GAS2: variants seen among roughly 807,000 people sequenced by gnomAD.
GAS2 encodes growth arrest specific 2.
In GAS2, 20 loss-of-function variants were observed where a neutral mutation model predicts 37.5. The observed-to-expected ratio is 0.53, with a 90% confidence interval of 0.37 to 0.77. The LOEUF is 0.77. GAS2 is among the 30% of genes least tolerant of loss of function. The probability of loss-of-function intolerance (pLI) is 0.00; values close to 1 mark genes in which losing one functional copy is unlikely to be tolerated. For missense variants in GAS2, 336 were observed against 373.4 expected (o/e 0.90, Z 0.82); for synonymous variants, 144 against 132.2 (o/e 1.09, Z -0.61).
chr11:22,654,751 A>T (rs528033212), intron 1 of GAS2, among the ~76,000 whole-genome samples: 1 of 152,194 alleles, frequency 6.6e-6, no homozygotes, highest in Non-Finnish European at 1.5e-5. Flanking sequence ...AATGACAATG[A>T]ATAATGAATA....
intron 6 of GAS2, 76 bp from the exon 7 acceptor site, chr11:22,755,770 C>T (rs1299477125): frequency 1.0e-5 from 10 of 966,936 alleles, no homozygotes; most frequent in African/African-American, 4.8e-5. Flanking sequence ...GTTCAGGGGC[C>T]GTGGAGTCCT....
chr11:22,767,321 A>C (rs990094906), intron 7 of GAS2, among the ~76,000 whole-genome samples: 3 of 152,224 alleles, frequency 2.0e-5, no homozygotes, highest in Admixed American at 6.5e-5. Flanking sequence ...ATATGATTTA[A>C]ACTTCACACA....
chr11:22,746,766 G>T (rs1450759928), intron 5 of GAS2, among the ~76,000 whole-genome samples: 1 of 152,104 alleles, frequency 6.6e-6, no homozygotes, highest in Admixed American at 6.5e-5. Context: ...CACTACCTGG[G>T]TAATGGGATC....
At chr11:22,758,270 T>A (rs1049458942) in intron 7 of GAS2, among the ~76,000 whole-genome samples, 6 of 152,226 alleles carry the variant, frequency 3.9e-5, no homozygotes, top group Admixed American at 3.3e-4. Context: ...AACTGCCTCA[T>A]AGTGTCTTCA....
Position 22,646,976 on chromosome 11 carries a change from G to T in GAS2, c.-21+21163G>T, listed in dbSNP as rs548722200. On this transcript the variant is annotated intron_variant, in intron 1 of 5. Coordinates refer to the GAS2 transcript ENST00000528582. ...TAGGGTACATGTGCACAATGTGCAG[G>T]TTAGTTACATATGTATACATGTGCC... 4.5e-3 allele frequency among the ~76,000 whole-genome samples: 684 copies of T among 150,482 alleles called. 11 individuals are homozygous for T. Among genetic ancestry groups the T allele is most frequent in the South Asian group, 0.023 (107 of 4,740 alleles).
chr11:22,652,951 C>G (rs1196686657), intron 1 of GAS2, among the ~76,000 whole-genome samples: 1 of 116,714 alleles, frequency 8.6e-6, no homozygotes, highest in African/African-American at 3.1e-5. Context: ...CCTCCACAAC[C>G]TCTTTCTTTC....
chr11:22,641,585 G>A (rs1848630269), intron 1 of GAS2, among the ~76,000 whole-genome samples: 1 of 151,418 alleles, frequency 6.6e-6, no homozygotes, highest in African/African-American at 2.4e-5. Flanking sequence ...AACTGTAGGG[G>A]CCTCCTGATG....
chr11:22,676,683 T>C (rs111560546), intron 2 of GAS2, among the ~76,000 whole-genome samples: 3 of 152,336 alleles, frequency 2.0e-5, no homozygotes, highest in African/African-American at 7.2e-5. Flanking sequence ...ATTCTACTTA[T>C]ATAGTTCAGT....
intron 7 of GAS2, among the ~76,000 whole-genome samples, chr11:22,802,595 C>A (rs559457113): frequency 6.6e-5 from 10 of 151,986 alleles, no homozygotes; most frequent in African/African-American, 2.4e-4. Context: ...AGGAATGAAG[C>A]CAATTGTTAA....
At chr11:22,746,587 A>G (rs1313094828) in intron 5 of GAS2, among the ~76,000 whole-genome samples, 1 of 152,184 alleles carries the variant, frequency 6.6e-6, no homozygotes, top group African/African-American at 2.4e-5. Context: ...ATCTTAAGCA[A>G]ATTAACACAG....
chr11:22,640,710 A>T (rs936259911), intron 1 of GAS2, among the ~76,000 whole-genome samples: 1 of 152,168 alleles, frequency 6.6e-6, no homozygotes, highest in Non-Finnish European at 1.5e-5. Flanking sequence ...TGAATGTTTA[A>T]TCACCTGTAT....
At chr11:22,656,749 A>G (rs1848860134) in intron 1 of GAS2, among the ~76,000 whole-genome samples, 1 of 152,184 alleles carries the variant, frequency 6.6e-6, no homozygotes. Flanking sequence ...ACACAGAGAT[A>G]TTGCTTATTA....
chr11:22,766,052 G>A (rs1171189948), intron 7 of GAS2, among the ~76,000 whole-genome samples: 1 of 152,180 alleles, frequency 6.6e-6, no homozygotes, highest in African/African-American at 2.4e-5. Flanking sequence ...CAAAGGGATG[G>A]CCCAAGCCAT....
intron 7 of GAS2, among the ~76,000 whole-genome samples, chr11:22,771,158 A>G (rs895049601): frequency 2.0e-5 from 3 of 152,032 alleles, no homozygotes; most frequent in Non-Finnish European, 4.4e-5. Flanking sequence ...CTTTTGAAAA[A>G]TGGCAATCTC....
chr11:22,674,365 A>G (rs1252201982), intron 1 of GAS2, among the ~76,000 whole-genome samples: 5 of 152,122 alleles, frequency 3.3e-5, no homozygotes, highest in African/African-American at 1.2e-4. Context: ...AAAAAGAAGT[A>G]CTTTGCTTAA....
chr11:22,660,668 C>T (rs890678376), intron 1 of GAS2, among the ~76,000 whole-genome samples: 3 of 152,186 alleles, frequency 2.0e-5, no homozygotes, highest in East Asian at 1.9e-4. Context: ...GTAGTGACTA[C>T]GATATTACAA....
chr11:22,669,073 C>A (rs974435057), intron 1 of GAS2, among the ~76,000 whole-genome samples: 3 of 152,100 alleles, frequency 2.0e-5, no homozygotes, highest in African/African-American at 7.2e-5. Flanking sequence ...AATTTTACTC[C>A]TTTATGTGAG....
intron 4 of GAS2, among the ~76,000 whole-genome samples, chr11:22,735,327 G>T (rs895676556): frequency 7.0e-6 from 1 of 143,668 alleles, no homozygotes; most frequent in Non-Finnish European, 1.5e-5. Flanking sequence ...TGCTTTAAAA[G>T]CAATTTTATT....
chr11:22,749,022 C>A, intron 5 of GAS2, 98 bp from the exon 6 acceptor site: 2 of 1,157,210 alleles, frequency 1.7e-6, no homozygotes, highest in South Asian at 1.6e-5. Flanking sequence ...TTTTAAAAGT[C>A]AGTGATTTAC....
Sources: gnomAD v4.1 joint callset for allele counts (sites outside exome capture counted in the v4.1 genomes callset) on GRCh38, gnomAD v4.1.1 for gene constraint, MANE v1.5 for transcripts, NCBI Gene and HGNC (gene_info 2026-07-23, HGNC 2026-07-21) for gene names.